Variants in MDN1 observed in about 807,000 individuals in gnomAD.
The protein encoded by MDN1 is midasin AAA ATPase 1.
MDN1 carries 266 observed loss-of-function variants against 669.2 expected under a neutral mutation model. That is an observed-to-expected ratio of 0.40 (90% CI 0.36 to 0.44). The LOEUF (loss-of-function observed/expected upper bound fraction) is 0.44. Ranked by LOEUF, MDN1 falls within the 20% of genes least tolerant of loss-of-function variation. The pLI is 1.00. For missense variants in MDN1, 5,940 were observed against 6,754.0 expected (o/e 0.88, Z 4.22); for synonymous variants, 2,385 against 2,457.1 (o/e 0.97, Z 0.87).
At chr6:89,721,205 G>A (rs760747254) in intron 40 of MDN1, among the ~76,000 whole-genome samples, 31 of 152,214 alleles carry the variant, frequency 2.0e-4, no homozygotes, top group Non-Finnish European at 3.2e-4. Context: ...GGGTGCAGAT[G>A]CAGTGTGGCT....
At position 89,701,998 on chromosome 6, in the gene MDN1, C is replaced by T; in HGVS notation, c.8212G>A (p.Ala2738Thr). The T allele has an allele frequency of 6.2e-7, 1 of 1,613,832 alleles. No individual in the cohort carries two copies. The highest frequency in any genetic ancestry group is 8.5e-7 in the Non-Finnish European group (1 of 1,179,776). ...WTVADTVKVD[A>T]PGLALLALHW... ...AGGGCAAGAAGGGCCAGACCTGGGG[C>T]ATCTACTTTTACTGTGTCGGCCACA... The change falls in exon 54 of 102, where the codon GCC (alanine) becomes ACC (threonine). Residue 2738 changes from alanine to threonine, a missense_variant. Physicochemically the swap from Ala to Thr is moderately conservative, Grantham distance 58. Transcript: ENST00000369393.
chr6:89,773,628 C>T (rs1275075416), intron 13 of MDN1, among the ~76,000 whole-genome samples: 2 of 151,472 alleles, frequency 1.3e-5, no homozygotes, highest in African/African-American at 4.9e-5. Flanking sequence ...TAGAGTGATA[C>T]AACTACAAGC....
chr6:89,729,707 G>A (rs1171841949), intron 35 of MDN1, among the ~76,000 whole-genome samples: 3 of 104,814 alleles, frequency 2.9e-5, no homozygotes, highest in Non-Finnish European at 5.6e-5. Flanking sequence ...TTGTACACCA[G>A]TTTGAAGGGA....
intron 1 of MDN1, among the ~76,000 whole-genome samples, chr6:89,810,195 G>A (rs970888213): frequency 6.6e-6 from 1 of 151,904 alleles, no homozygotes; most frequent in African/African-American, 2.4e-5. Flanking sequence ...CAGCATTTTG[G>A]GAGGCTGAGG....
rs1012898991 is a variant in MDN1, at chr6:89,719,244, G to T, written c.5968-19C>A. ...CAATGACCTAAAGGAAGAAGATAAT[G>T]CAATGAAAACACAAATCACTCCACC... On this transcript the variant is annotated intron_variant, in intron 40 of 101. Transcript: ENST00000369393. The T allele has an allele frequency of 2.8e-5, 45 of 1,596,028 alleles. No homozygotes were observed. Among genetic ancestry groups the T allele is most frequent in the Non-Finnish European group, 3.4e-5 (40 of 1,163,996 alleles).
chr6:89,757,308 A>G (rs1189047110), intron 19 of MDN1, among the ~76,000 whole-genome samples: 1 of 152,238 alleles, frequency 6.6e-6, no homozygotes, highest in Non-Finnish European at 1.5e-5. Context: ...GCCTTTTCAA[A>G]TCATTAGCCT....
intron 11 of MDN1, 57 bp downstream of exon 11, chr6:89,780,155 C>A: frequency 3.3e-6 from 3 of 922,290 alleles, no homozygotes; most frequent in Non-Finnish European, 1.6e-6. Context: ...AAAATAACAA[C>A]GGAAGTCAAC....
intron 1 of MDN1, chr6:89,814,592 C>T (rs1026786920): frequency 4.8e-5 from 8 of 167,198 alleles, no homozygotes; most frequent in Non-Finnish European, 7.7e-5. Context: ...TTATAAGAAA[C>T]ATTTAACATT....
chr6:89,744,733 A>G (rs1816499263), intron 29 of MDN1, among the ~76,000 whole-genome samples: 1 of 151,872 alleles, frequency 6.6e-6, no homozygotes, highest in Non-Finnish European at 1.5e-5. Flanking sequence ...AAATTTAAAA[A>G]TTAGCCAAGT....
intron 31 of MDN1, among the ~76,000 whole-genome samples, chr6:89,742,741 T>A (rs1816357933): frequency 6.6e-6 from 1 of 152,212 alleles, no homozygotes; most frequent in Non-Finnish European, 1.5e-5. Context: ...TACAGTTCTT[T>A]CAAAATATTA....
At chr6:89,649,029 T>C (rs1295348198) in intron 97 of MDN1, among the ~76,000 whole-genome samples, 1 of 150,566 alleles carries the variant, frequency 6.6e-6, no homozygotes, top group East Asian at 1.9e-4. Flanking sequence ...CCTTGAGAAA[T>C]ATGGTCCATG....
At chr6:89,761,492 T>C (rs1401474833) in intron 17 of MDN1, among the ~76,000 whole-genome samples, 153 bp downstream of exon 17, 1 of 152,194 alleles carries the variant, frequency 6.6e-6, no homozygotes, top group African/African-American at 2.4e-5. Context: ...CATTAAGATC[T>C]TATAATTGCC....
At chr6:89,789,608 G>A (rs548547489) in intron 7 of MDN1, among the ~76,000 whole-genome samples, 172 bp downstream of exon 7, 1 of 152,300 alleles carries the variant, frequency 6.6e-6, no homozygotes, top group South Asian at 2.1e-4. Flanking sequence ...AACCAGTCAA[G>A]TAATTCAGGA....
chr6:89,671,413 C>T (rs1810751581), intron 82 of MDN1, among the ~76,000 whole-genome samples: 1 of 152,178 alleles, frequency 6.6e-6, no homozygotes. Context: ...AGTGGGTAGA[C>T]TGCTTGAGCC....
At position 89,771,637 on chromosome 6, in the gene MDN1, T is replaced by C. The variant is rs758370839; in HGVS notation, c.2084-16A>G. 31 of 1,609,492 alleles carry C rather than the reference T, an allele frequency of 1.9e-5. No individual in the cohort carries two copies. The highest frequency in any genetic ancestry group is 2.7e-5 in the African/African-American group (2 of 74,760). ...AAACGGTGGCCTTTTATAAAGAAAG[T>C]GCAAAAGTGTTACTCCAAAAATTTA... On this transcript the variant is annotated splice_polypyrimidine_tract_variant and intron_variant, in intron 14 of 101. Transcript: ENST00000369393.
chr6:89,786,000 C>T (rs1401699291), intron 8 of MDN1, among the ~76,000 whole-genome samples: 1 of 151,682 alleles, frequency 6.6e-6, no homozygotes, highest in Non-Finnish European at 1.5e-5. Flanking sequence ...GGTGTGGTGG[C>T]TCACACCTCC....
chr6:89,699,655 T>C lies in MDN1; in HGVS notation c.8943A>G (p.Thr2981=). 1 of 1,613,842 alleles carries C rather than the reference T, an allele frequency of 6.2e-7. No individual in the cohort carries two copies. The highest frequency in any genetic ancestry group is 8.5e-7 in the Non-Finnish European group (1 of 1,179,912). ...SHLISFCLYH[T]PVTPQELRDL... ...CTCGAAGCTCTTGAGGTGTAACAGG[T>C]GTGTGATAAAGACAAAATGAGATGA... Residue 2981 remains threonine (T), a synonymous_variant, in exon 58 of 102, where the codon ACA becomes ACG. Transcript: ENST00000369393.
intron 62 of MDN1, among the ~76,000 whole-genome samples, chr6:89,693,853 G>C (rs530998711): frequency 3.1e-4 from 47 of 152,296 alleles, no homozygotes; most frequent in Non-Finnish European, 6.2e-4. Context: ...CTAAGTTTTG[G>C]CTTCAAACAT....
chr6:89,671,173 C>A, intron 82 of MDN1, 93 bp from the exon 83 acceptor site: 3 of 1,373,298 alleles, frequency 2.2e-6, no homozygotes, highest in Non-Finnish European at 3.0e-6. Flanking sequence ...AATTGCACAA[C>A]ATTGTGAATG....
Sources: gnomAD v4.1 joint callset for allele counts (sites outside exome capture counted in the v4.1 genomes callset) on GRCh38, gnomAD v4.1.1 for gene constraint, MANE v1.5 for transcripts, NCBI Gene and HGNC (gene_info 2026-07-23, HGNC 2026-07-21) for gene names.